The following TIAM1 variants were observed in gnomAD, a reference collection of about 807,000 sequenced individuals.
TIAM1 encodes rho guanine nucleotide exchange factor TIAM1.
TIAM1 carries 65 observed loss-of-function variants against 163.5 expected under a neutral mutation model. The ratio of observed to expected loss-of-function variants is 0.40; its 90% CI spans 0.33 to 0.49. TIAM1 has a LOEUF of 0.49. TIAM1 is among the 20% of genes least tolerant of loss of function. The pLI, the probability that TIAM1 is intolerant of heterozygous loss-of-function variation, is 0.77. For missense variants in TIAM1, 1,789 were observed against 2,044.7 expected (o/e 0.87, Z 2.41); for synonymous variants, 833 against 810.1 (o/e 1.03, Z -0.48).
chr21:31,403,505 C>T (rs561535), intron 2 of TIAM1, among the ~76,000 whole-genome samples: 12,574 of 152,158 alleles, frequency 0.083, 814 homozygotes, highest in East Asian at 0.34. Flanking sequence ...AACAACTCCC[C>T]GCTGCTTTTT....
chr21:31,486,836 C>T (rs891368333), intron 1 of TIAM1, among the ~76,000 whole-genome samples: 1 of 152,202 alleles, frequency 6.6e-6, no homozygotes, highest in African/African-American at 2.4e-5. Flanking sequence ...CCACTCAGGC[C>T]CCCGCATGTC....
At chr21:31,448,383 T>C (rs2044705313) in intron 2 of TIAM1, among the ~76,000 whole-genome samples, 1 of 152,028 alleles carries the variant, frequency 6.6e-6, no homozygotes, top group Non-Finnish European at 1.5e-5. Context: ...GGCGGGCGGA[T>C]CACCTGAGGC....
At chr21:31,137,504 G>A (rs1396335087) in intron 22 of TIAM1, among the ~76,000 whole-genome samples, 1 of 151,998 alleles carries the variant, frequency 6.6e-6, no homozygotes, top group Non-Finnish European at 1.5e-5. Flanking sequence ...CATAGAAGAG[G>A]AGGAGTTACA....
At chr21:31,419,011 G>C (rs1182268509) in intron 2 of TIAM1, among the ~76,000 whole-genome samples, 1 of 152,008 alleles carries the variant, frequency 6.6e-6, no homozygotes, top group African/African-American at 2.4e-5. Flanking sequence ...ACCTCCCATG[G>C]TCTCCACGAG....
chr21:31,220,342 G>A (rs932503330), intron 8 of TIAM1, among the ~76,000 whole-genome samples: 1 of 152,164 alleles, frequency 6.6e-6, no homozygotes, highest in African/African-American at 2.4e-5. Context: ...ACATACATTT[G>A]TTGCTTGAAC....
At chr21:31,235,229 C>G (rs1329852586) in intron 6 of TIAM1, among the ~76,000 whole-genome samples, 1 of 151,800 alleles carries the variant, frequency 6.6e-6, no homozygotes, top group Non-Finnish European at 1.5e-5. Flanking sequence ...TGCCACATAA[C>G]CAGGAAAATA....
At chr21:31,330,901 T>C (rs570371410) in intron 2 of TIAM1, among the ~76,000 whole-genome samples, 2 of 148,638 alleles carry the variant, frequency 1.3e-5, no homozygotes, top group South Asian at 2.1e-4. Context: ...CCATTTCTAA[T>C]ACTATGATTT....
intron 26 of TIAM1, among the ~76,000 whole-genome samples, chr21:31,126,295 C>T (rs1021153359): frequency 0.012 from 1 of 82 alleles, no homozygotes; most frequent in Admixed American, 0.083. Context: ...GTTAGCCAGA[C>T]GTGGTGCTCA....
chr21:31,497,383 T>C (rs2833432), intron 1 of TIAM1, among the ~76,000 whole-genome samples: 1 of 152,046 alleles, frequency 6.6e-6, no homozygotes, highest in Non-Finnish European at 1.5e-5. Context: ...TATACTGATA[T>C]GATCTTTAAA....
intron 6 of TIAM1, among the ~76,000 whole-genome samples, chr21:31,230,439 T>G (rs1488649611): frequency 6.6e-6 from 1 of 152,166 alleles, no homozygotes; most frequent in Non-Finnish European, 1.5e-5. Context: ...TGTTTTTTCC[T>G]TGTTTAATAT....
intron 6 of TIAM1, among the ~76,000 whole-genome samples, chr21:31,228,220 T>TA (rs71191197): frequency 2.0e-3 from 33 of 16,242 alleles, no homozygotes; most frequent in Non-Finnish European, 3.5e-3. Flanking sequence ...CTCCTTTTTT[T>TA]AAAAAAAAAA....
At chr21:31,210,604 AGGAAGGAAGGG>A (rs1447874428) in intron 10 of TIAM1, among the ~76,000 whole-genome samples, 911 of 82,688 alleles carry the variant, frequency 0.011, 12 homozygotes, top group East Asian at 0.018. Flanking sequence ...GAGAGAAAGA[AGGAAGGAAGGG>A]AGAAAGAAAG....
In TIAM1 at chr21:31,256,895, G is replaced by A. The variant is rs115861920; in HGVS notation, c.964-4706C>T. On this transcript the variant is annotated intron_variant, in intron 4 of 27. Coordinates refer to ENST00000541036, the MANE Select transcript of TIAM1 (RefSeq NM_001353694.2). ...GCTCAAAAATGTTAACTATAATTAC[G>A]GTCATCTCTACCTTCAGCCCTACTT... Among the ~76,000 whole-genome samples, 294 of 152,134 alleles carry A rather than the reference G, an allele frequency of 1.9e-3. 1 individual carries two copies. Among genetic ancestry groups the A allele is most frequent in the African/African-American group, 6.7e-3 (277 of 41,516 alleles).
intron 2 of TIAM1, among the ~76,000 whole-genome samples, chr21:31,315,207 C>G (rs993810275): frequency 6.6e-6 from 1 of 151,992 alleles, no homozygotes; most frequent in Admixed American, 6.6e-5. Flanking sequence ...TCCATCTCTA[C>G]TAAATACAAA....
At chr21:31,341,803 C>T (rs557581426) in intron 1 of TIAM1, among the ~76,000 whole-genome samples, 7 of 152,268 alleles carry the variant, frequency 4.6e-5, no homozygotes, top group Admixed American at 6.5e-5. Flanking sequence ...AGGCCTTTTT[C>T]GACAGAGTTC....
intron 11 of TIAM1, among the ~76,000 whole-genome samples, chr21:31,207,622 A>G (rs1262240565): frequency 6.6e-6 from 1 of 152,236 alleles, no homozygotes; most frequent in Non-Finnish European, 1.5e-5. Flanking sequence ...TTTCCAAGGA[A>G]GAAACAAGCT....
rs992593610 is a variant in TIAM1 at position 31,385,830 on chromosome 21, T to C, written c.-368-46408A>G. ...TTTAATTTAAAATTAAAATGTTTAA[T>C]ATATTATATATTTATATATAATACA... On this transcript the variant is annotated intron_variant, in intron 2 of 28. Coordinates refer to the TIAM1 transcript ENST00000286827. Among the ~76,000 whole-genome samples, 12 of 147,362 alleles carry C rather than the reference T, an allele frequency of 8.1e-5. No homozygotes were observed. The East Asian group carries it at 2.3e-3, about 29-fold the overall frequency.
At chr21:31,285,952 G>T (rs1306936906) in intron 2 of TIAM1, among the ~76,000 whole-genome samples, 1 of 152,182 alleles carries the variant, frequency 6.6e-6, no homozygotes, top group Non-Finnish European at 1.5e-5. Context: ...CTATGACATT[G>T]TAAGTGGAGA....
intron 2 of TIAM1, among the ~76,000 whole-genome samples, chr21:31,405,619 A>G (rs2077233987): frequency 6.6e-6 from 1 of 152,152 alleles, no homozygotes; most frequent in East Asian, 1.9e-4. Context: ...CACATCTTTC[A>G]TAGATTGCAG....
Sources: allele counts gnomAD v4.1 joint callset (sites outside exome capture counted in the v4.1 genomes callset), GRCh38; gene constraint gnomAD v4.1.1; transcripts MANE v1.5; gene names NCBI Gene and HGNC (gene_info 2026-07-23, HGNC 2026-07-21).